CWC22: variants seen among roughly 807,000 people sequenced by gnomAD.
CWC22 encodes the protein pre-mRNA-splicing factor CWC22 homolog.
A neutral mutation model predicts 117.2 loss-of-function variants in CWC22; 53 were observed. The observed-to-expected ratio is 0.45, with a 90% confidence interval of 0.36 to 0.57. The LOEUF is 0.57. CWC22 is among the 20% of genes least tolerant of loss of function. The pLI, the probability that CWC22 is intolerant of heterozygous loss-of-function variation, is 0.00. For missense variants in CWC22, 980 were observed against 1,068.8 expected, an observed-to-expected ratio of 0.92 and a Z score of 1.16; for synonymous variants, 360 against 355.6, an observed-to-expected ratio of 1.01 and a Z score of -0.14.
At chr2:179,963,235 A>T (rs1435875051) in intron 13 of CWC22, among the ~76,000 whole-genome samples, 1 of 152,074 alleles carries the variant, frequency 6.6e-6, no homozygotes, top group Non-Finnish European at 1.5e-5. Context: ...TTGGATTTCT[A>T]AAAGGACAAA....
chr2:179,992,674 G>A (rs1687596931), intron 2 of CWC22, among the ~76,000 whole-genome samples: 1 of 152,102 alleles, frequency 6.6e-6, no homozygotes. Context: ...TGAAAATAAG[G>A]ATTTGTTTTA....
chr2:179,970,424 T>C, intron 11 of CWC22, 77 bp downstream of exon 11: 1 of 1,298,728 alleles, frequency 7.7e-7, no homozygotes, highest in Non-Finnish European at 1.1e-6. Context: ...TCTCTAAATA[T>C]TTGCTATCAG....
chr2:179,965,251 T>C lies in CWC22; in HGVS notation c.1316-623A>G, dbSNP rs1428953725. Among the ~76,000 whole-genome samples, 7 of 152,388 alleles carry C rather than the reference T, an allele frequency of 4.6e-5. No individual in the cohort carries two copies. The East Asian group carries it at 1.3e-3, about 29-fold the overall frequency. On this transcript the variant is annotated intron_variant, in intron 12 of 19. Transcript: ENST00000410053. ...GTACTATAAGACAGAGTATTTATTA[T>C]GCCCTAAAAGGCAAATGTATACTTT...
chr2:180,001,388 T>C (rs1214012742), intron 1 of CWC22, among the ~76,000 whole-genome samples: 1 of 151,856 alleles, frequency 6.6e-6, no homozygotes, highest in Non-Finnish European at 1.5e-5. Context: ...CGCAGTGGCA[T>C]GATCTCAGCT....
At chr2:179,952,408 T>A (rs1429477938) in intron 17 of CWC22, 63 bp downstream of exon 17, 1 of 1,290,892 alleles carries the variant, frequency 7.7e-7, no homozygotes, top group Non-Finnish European at 1.0e-6. Flanking sequence ...TGGGCTTATG[T>A]CTGCTACAAT....
intron 19 of CWC22, 149 bp from the exon 20 acceptor site, chr2:179,945,864 CAG>C (rs1443677211): frequency 6.9e-6 from 4 of 583,834 alleles, no homozygotes; most frequent in African/African-American, 5.7e-5. Flanking sequence ...TCTGATGACA[CAG>C]AGTCTTACCA....
chr2:179,959,182 T>A (rs1356379326), intron 13 of CWC22, 100 bp from the exon 14 acceptor site: 10 of 748,518 alleles, frequency 1.3e-5, no homozygotes, highest in Non-Finnish European at 2.2e-5. Flanking sequence ...TCATCTTTTT[T>A]AACTGTAATT....
At chr2:179,992,579 A>G (rs949609094) in intron 2 of CWC22, among the ~76,000 whole-genome samples, 2 of 152,194 alleles carry the variant, frequency 1.3e-5, no homozygotes, top group African/African-American at 4.8e-5. Context: ...CAATTCTATT[A>G]CTTAACATTC....
chr2:179,971,142 A>G, intron 8 of CWC22, 66 bp from the exon 9 acceptor site: 1 of 1,098,218 alleles, frequency 9.1e-7, no homozygotes, highest in Non-Finnish European at 1.2e-6. Flanking sequence ...TATTTTTATA[A>G]TTTCTAAAAA....
chr2:179,975,376 G>C (rs927292848), intron 6 of CWC22, among the ~76,000 whole-genome samples: 4 of 152,106 alleles, frequency 2.6e-5, no homozygotes, highest in African/African-American at 9.7e-5. Context: ...CTAGGATCAG[G>C]AATAAGAAAA....
At position 179,954,246 on chromosome 2, in the gene CWC22, T is replaced by C. The variant is rs1297130402; in HGVS notation, c.1648A>G (p.Met550Val). The C allele has an allele frequency of 1.2e-6, 2 of 1,611,950 alleles. No individual in the cohort carries two copies. The highest frequency in any genetic ancestry group is 1.7e-6 in the Non-Finnish European group (2 of 1,178,692). Residue 550 changes from methionine to valine, a missense_variant, in exon 16 of 20, where the codon ATG becomes GTG. By Grantham distance (21) the Met-to-Val change is conservative (BLOSUM62 1). Coordinates refer to ENST00000410053, the MANE Select transcript of CWC22 (RefSeq NM_020943.3). ...ETNKLRNVAK[M>V]FAHLLYTDSL... The stretch of plus-strand genomic sequence containing the variant: ...TCAGTGTATAAAAGGTGAGCAAACA[T>C]CTTAGCAACATTTCGCAACTTGTTT...
rs1434785746 is a variant in CWC22 at position 179,950,869 on chromosome 2, C to T, written c.1875G>A (p.Arg625=). The part of the protein sequence containing the change: ...LLPRDNPRNT[R]FAINFFTSIG... ...TAGAAGTAAAGAAGTTGATGGCAAA[C>T]CGAGTGTTTCTTGGATTATCTCGGG... is the stretch of plus-strand genomic sequence containing the variant. The change falls in exon 18 of 20, where the codon CGG becomes CGA. Residue 625 remains arginine (R), a synonymous_variant. Coordinates refer to ENST00000410053, the MANE Select transcript of CWC22 (RefSeq NM_020943.3). The T allele has an allele frequency of 6.3e-7, 1 of 1,595,512 alleles. No homozygotes were observed. The highest frequency in any genetic ancestry group is 8.5e-7 in the Non-Finnish European group (1 of 1,169,808).
chr2:179,964,695 G>A, intron 12 of CWC22, 67 bp from the exon 13 acceptor site: 2 of 733,652 alleles, frequency 2.7e-6, no homozygotes, highest in South Asian at 3.9e-5. Context: ...ATGTAACTCT[G>A]TATAGCATTT....
intron 1 of CWC22, among the ~76,000 whole-genome samples, chr2:179,996,472 A>C (rs947324136): frequency 2.6e-5 from 4 of 152,174 alleles, no homozygotes; most frequent in Non-Finnish European, 4.4e-5. Context: ...AAAGAGAAAA[A>C]TCCTGAAAGC....
intron 5 of CWC22, among the ~76,000 whole-genome samples, chr2:179,981,295 A>T (rs1224155346): frequency 6.6e-6 from 1 of 152,198 alleles, no homozygotes; most frequent in Non-Finnish European, 1.5e-5. Flanking sequence ...AGTAGCAACA[A>T]CAGAGACAAA....
chr2:179,981,223 G>A (rs975268397), intron 5 of CWC22, among the ~76,000 whole-genome samples: 5 of 152,148 alleles, frequency 3.3e-5, no homozygotes, highest in Non-Finnish European at 7.4e-5. Flanking sequence ...TTGGAACACA[G>A]CCATGCTTAT....
intron 4 of CWC22, among the ~76,000 whole-genome samples, chr2:179,983,942 T>C (rs1444973131): frequency 6.6e-6 from 1 of 152,118 alleles, no homozygotes; most frequent in Admixed American, 6.6e-5. Context: ...TAAAATCAGA[T>C]CCCTACCATT....
At chr2:179,972,512 T>C (rs1308096217) in intron 8 of CWC22, among the ~76,000 whole-genome samples, 1 of 152,132 alleles carries the variant, frequency 6.6e-6, no homozygotes, top group Non-Finnish European at 1.5e-5. Context: ...GAGGTTTTTG[T>C]AGAATATCAG....
intron 13 of CWC22, among the ~76,000 whole-genome samples, chr2:179,964,223 A>G (rs1446534239): frequency 6.6e-6 from 1 of 152,232 alleles, no homozygotes. Context: ...TTTCATTATA[A>G]AATTAGGTAC....
Sources: allele counts gnomAD v4.1 joint callset (sites outside exome capture counted in the v4.1 genomes callset), GRCh38; gene constraint gnomAD v4.1.1; transcripts MANE v1.5; gene names NCBI Gene and HGNC (gene_info 2026-07-23, HGNC 2026-07-21).